SYNGR1: variants seen among roughly 807,000 people sequenced by gnomAD.
SYNGR1 encodes synaptogyrin-1.
In SYNGR1, 14 loss-of-function variants were observed where a neutral mutation model predicts 26.1. That is an observed-to-expected ratio of 0.54 (90% CI 0.35 to 0.84). The LOEUF is 0.84. SYNGR1 is among the 40% of genes least tolerant of loss of function. SYNGR1 has a pLI of 0.01. For missense variants in SYNGR1, 319 were observed against 332.9 expected, an observed-to-expected ratio of 0.96 and a Z score of 0.33; for synonymous variants, 141 against 150.1, an observed-to-expected ratio of 0.94 and a Z score of 0.44.
Position 39,385,246 on chromosome 22 carries a change from A to G in SYNGR1, c.*3332A>G, listed in dbSNP as rs1168623912. The stretch of plus-strand genomic sequence containing the variant: ...CGATGCACTTGACCTGACACTCCCC[A>G]TGTCCTGGTGCGCACAGCCCTTGTC... On this transcript the variant is annotated 3_prime_UTR_variant, in exon 4 of 4. Coordinates refer to ENST00000328933, the MANE Select transcript of SYNGR1 (RefSeq NM_004711.5). 1 of 368,050 alleles carries G rather than the reference A, an allele frequency of 2.7e-6. No individual in the cohort carries two copies. Among genetic ancestry groups the G allele is most frequent in the Non-Finnish European group, 4.8e-6 (1 of 207,218 alleles). 22.8% of individuals were successfully genotyped at this position (368,050 alleles called of 1,614,324 possible). A position where few individuals can be genotyped will look rare whatever the true frequency, so the allele number is the denominator to read the frequency against.
chr22:39,358,466 A>G (rs1361704833), intron 1 of SYNGR1, among the ~76,000 whole-genome samples: 2 of 152,190 alleles, frequency 1.3e-5, no homozygotes, highest in Non-Finnish European at 2.9e-5. Flanking sequence ...CTTTGGGTCC[A>G]CACTACTTTT....
intron 1 of SYNGR1, among the ~76,000 whole-genome samples, chr22:39,371,360 C>A (rs951025500): frequency 1.3e-5 from 2 of 151,756 alleles, no homozygotes; most frequent in Non-Finnish European, 2.9e-5. Flanking sequence ...CCTGTAATCC[C>A]AGCTACTCGG....
rs537619809 is a variant in SYNGR1 at position 39,381,698 on chromosome 22, G to A, written c.486G>A (p.Ala162=). The change falls in exon 4 of 4, where the codon GCG becomes GCA. Residue 162 remains alanine, a splice_region_variant and synonymous_variant. Coordinates refer to ENST00000328933, the MANE Select transcript of SYNGR1 (RefSeq NM_004711.5). The stretch of plus-strand genomic sequence containing the variant: ...TCCTCGCCGGCCTTTGTCCCCAGGC[G>A]GGCCAGGCTGTGCTGGCCTTCCAGC... The part of the protein sequence containing the change: ...AFSFFSIFTW[A]GQAVLAFQRY... 23 of 1,613,126 alleles carry A rather than the reference G, an allele frequency of 1.4e-5. No homozygotes were observed. The highest frequency in any genetic ancestry group is 1.7e-5 in the Non-Finnish European group (20 of 1,179,958).
intron 1 of SYNGR1, among the ~76,000 whole-genome samples, chr22:39,359,225 C>T (rs1418641737): frequency 9.2e-5 from 14 of 152,168 alleles, no homozygotes; most frequent in African/African-American, 2.9e-4. Flanking sequence ...CCTGAGGCCA[C>T]TTACAGGACA....
intron 2 of SYNGR1, chr22:39,375,742 C>T: frequency 1.7e-6 from 1 of 599,198 alleles, no homozygotes; most frequent in Non-Finnish European, 3.0e-6. Flanking sequence ...AGTTGATTAC[C>T]TTCTTTCTCT....
chr22:39,372,490 A>G (rs2145626540), intron 1 of SYNGR1, among the ~76,000 whole-genome samples: 1 of 113,726 alleles, frequency 8.8e-6, no homozygotes, highest in African/African-American at 3.6e-5. Context: ...TCTCTCTGTC[A>G]CCCAGGCTGG....
At chr22:39,378,443 A>G (rs6001566) in intron 3 of SYNGR1, 669,435 of 981,946 alleles carry the variant, frequency 0.68, 229,208 homozygotes, top group East Asian at 0.96. Context: ...TCTCTACTTT[A>G]AGAGTAATTC....
At chr22:39,364,031 C>T (rs961255236) in intron 1 of SYNGR1, 11 of 1,141,300 alleles carry the variant, frequency 9.6e-6, no homozygotes, top group South Asian at 4.2e-5. Flanking sequence ...GGGCACAGCT[C>T]GCCCTGAGCC....
At chr22:39,360,899 G>C (rs1924440857) in intron 1 of SYNGR1, among the ~76,000 whole-genome samples, 3 of 152,242 alleles carry the variant, frequency 2.0e-5, no homozygotes, top group South Asian at 4.1e-4. Flanking sequence ...GTGTACGCTT[G>C]GAGGGCGAGA....
rs1925519831 is a variant in SYNGR1, at chr22:39,382,113, A to C, written c.*199A>C. On this transcript the variant is annotated 3_prime_UTR_variant, in exon 4 of 4. Transcript: ENST00000328933. ...CGTATGTGCAAGTATATCCCAGGGC[A>C]TGTGCCCCGCAGGGGCCTAGAGGGT... 3.1e-6 allele frequency: 2 copies of C among 639,456 alleles called. No individual in the cohort carries two copies. Among genetic ancestry groups the C allele is most frequent in the Non-Finnish European group, 2.8e-6 (1 of 363,498 alleles). 39.6% of individuals were successfully genotyped at this position (639,456 alleles called of 1,614,324 possible).
chr22:39,352,849 A>G (rs137699), intron 1 of SYNGR1, among the ~76,000 whole-genome samples: 86,788 of 152,060 alleles, frequency 0.57, 27,786 homozygotes, highest in East Asian at 0.86. Context: ...GCATGTGCAC[A>G]TGAACCTGTG....
At chr22:39,368,616 A>C (rs1924880294) in intron 1 of SYNGR1, among the ~76,000 whole-genome samples, 1 of 152,072 alleles carries the variant, frequency 6.6e-6, no homozygotes, top group African/African-American at 2.4e-5. Context: ...TTCTCTGAGG[A>C]CTGCCTGCCT....
intron 1 of SYNGR1, among the ~76,000 whole-genome samples, chr22:39,362,201 A>T (rs1197166451): frequency 3.3e-5 from 5 of 152,008 alleles, no homozygotes; most frequent in Non-Finnish European, 5.9e-5. Context: ...ACTCAGCCAG[A>T]GGAGAGGAAG....
rs573148089 is a variant in SYNGR1 at position 39,378,895 on chromosome 22, G to C, written c.483+2698G>C. Among the ~76,000 whole-genome samples the C allele has an allele frequency of 4.3e-4, 65 of 152,316 alleles. 2 individuals are homozygous for C. Among genetic ancestry groups the C allele is most frequent in the Non-Finnish European group, 8.7e-4 (59 of 68,030 alleles). Reference sequence around the variant, plus strand: ...CAAATGAAGCTTTGACTTAGTGAGGGCAGAGAGCTGAACACAGAGACAGTA... The same window carrying C: ...CAAATGAAGCTTTGACTTAGTGAGGCCAGAGAGCTGAACACAGAGACAGTA... On this transcript the variant is annotated intron_variant, in intron 3 of 3. Coordinates refer to ENST00000328933, the MANE Select transcript of SYNGR1 (RefSeq NM_004711.5).
At chr22:39,354,880 A>C (rs1180609995) in intron 1 of SYNGR1, among the ~76,000 whole-genome samples, 2 of 151,464 alleles carry the variant, frequency 1.3e-5, no homozygotes, top group Admixed American at 6.6e-5. Flanking sequence ...TTGTAAACAC[A>C]GCAGTTTCAA....
chr22:39,369,444 T>C (rs1424466152), intron 1 of SYNGR1, among the ~76,000 whole-genome samples: 1 of 152,194 alleles, frequency 6.6e-6, no homozygotes, highest in Non-Finnish European at 1.5e-5. Flanking sequence ...TCGAGTCGCC[T>C]GATCCCCAGT....
intron 3 of SYNGR1, chr22:39,377,081 C>G: frequency 6.5e-7 from 1 of 1,550,234 alleles, no homozygotes; most frequent in Non-Finnish European, 8.7e-7. Flanking sequence ...ACAGCTGCCT[C>G]CCCTCTGGAC....
chr22:39,355,389 T>G (rs137705), intron 1 of SYNGR1, among the ~76,000 whole-genome samples: 1 of 151,692 alleles, frequency 6.6e-6, no homozygotes, highest in Non-Finnish European at 1.5e-5. Context: ...CCACGGCCCT[T>G]GTTTGTTATT....
intron 1 of SYNGR1, among the ~76,000 whole-genome samples, chr22:39,353,068 G>C (rs1923984938): frequency 1.3e-5 from 2 of 152,242 alleles, no homozygotes; most frequent in African/African-American, 4.8e-5. Flanking sequence ...CACCATGTTA[G>C]CCAGGCTGGT....
Sources: gnomAD v4.1 joint callset for allele counts (sites outside exome capture counted in the v4.1 genomes callset) on GRCh38, gnomAD v4.1.1 for gene constraint, MANE v1.5 for transcripts, NCBI Gene and HGNC (gene_info 2026-07-23, HGNC 2026-07-21) for gene names.